Variants in RPRD2 observed in about 807,000 individuals in gnomAD.
RPRD2 encodes regulation of nuclear pre-mRNA domain containing 2.
RPRD2 carries 12 observed loss-of-function variants against 104.4 expected under a neutral mutation model. The observed-to-expected ratio is 0.11, with a 90% CI of 0.07 to 0.19. RPRD2 has a LOEUF of 0.19. Among genes scored for constraint, RPRD2 ranks in the 10% least tolerant of loss-of-function variants. The pLI, the probability that RPRD2 is intolerant of heterozygous loss-of-function variation, is 1.00. For synonymous variants in RPRD2, 714 were observed against 684.9 expected (o/e 1.04, Z -0.66); for missense variants, 1,543 against 1,790.1 (o/e 0.86, Z 2.49).
Position 150,440,911 on chromosome 1 carries a change from C to A in RPRD2, c.336-12C>A, listed in dbSNP as rs373603615. On this transcript the variant is annotated splice_polypyrimidine_tract_variant and intron_variant, in intron 2 of 10. Coordinates refer to ENST00000369068, the MANE Select transcript of RPRD2 (RefSeq NM_015203.5). ...GTTTTTATAGTCTGTATTACTTTTT[C>A]TTTGTTTTCAGGGATCCATCTGTCT... 23 of 1,411,326 alleles carry A rather than the reference C, an allele frequency of 1.6e-5. No homozygotes were observed. The highest frequency in any genetic ancestry group is 2.2e-5 in the Non-Finnish European group (23 of 1,022,286). 87.4% of individuals were successfully genotyped at this position (1,411,326 alleles called of 1,614,324 possible). A position where few individuals can be genotyped will look rare whatever the true frequency, so the allele number is the denominator to read the frequency against.
At chr1:150,466,470 G>A (rs1367498333) in intron 10 of RPRD2, among the ~76,000 whole-genome samples, 6 of 149,544 alleles carry the variant, frequency 4.0e-5, no homozygotes, top group African/African-American at 9.9e-5. Flanking sequence ...GATCACTTGA[G>A]CCCAGGAGTT....
At chr1:150,429,049 G>C (rs1413255667) in intron 2 of RPRD2, among the ~76,000 whole-genome samples, 1 of 150,330 alleles carries the variant, frequency 6.7e-6, no homozygotes, top group Non-Finnish European at 1.5e-5. Flanking sequence ...TACATGGTTT[G>C]TGGTGATTGT....
At chr1:150,430,802 G>A (rs1304480859) in intron 2 of RPRD2, among the ~76,000 whole-genome samples, 2 of 152,038 alleles carry the variant, frequency 1.3e-5, no homozygotes, top group African/African-American at 4.8e-5. Flanking sequence ...GGTGGCGCAT[G>A]CCTGTAATCC....
chr1:150,435,789 A>C (rs587665859), intron 2 of RPRD2, among the ~76,000 whole-genome samples: 26 of 152,358 alleles, frequency 1.7e-4, no homozygotes, highest in African/African-American at 6.0e-4. Context: ...AGGATCACTC[A>C]TGAAGGTGGC....
chr1:150,368,210 T>C (rs1165078345), intron 1 of RPRD2, among the ~76,000 whole-genome samples: 1 of 143,132 alleles, frequency 7.0e-6, no homozygotes, highest in African/African-American at 2.6e-5. Flanking sequence ...TTCTTGTTTT[T>C]TTTTTTTTTT....
At position 150,457,964 on chromosome 1, in the gene RPRD2, G is replaced by A. The variant is rs118120999; in HGVS notation, c.1153+394G>A. On this transcript the variant is annotated intron_variant, in intron 8 of 10. Coordinates refer to ENST00000369068, the MANE Select transcript of RPRD2 (RefSeq NM_015203.5). The stretch of plus-strand genomic sequence containing the variant: ...CAGGTACCTGTAATTCCAGCTACCC[G>A]GGAGGCTGAGGCAAGAGAATCGCTT... 9.8e-3 allele frequency among the ~76,000 whole-genome samples: 1,492 copies of A among 152,142 alleles called. 58 individuals are homozygous for A. Among genetic ancestry groups the A allele is most frequent in the Admixed American group, 0.067 (1,022 of 15,260 alleles).
chr1:150,398,206 A>T (rs587616513), intron 1 of RPRD2, among the ~76,000 whole-genome samples: 92 of 129,878 alleles, frequency 7.1e-4, no homozygotes, highest in African/African-American at 1.9e-3. Context: ...ATTTTATTTT[A>T]TTTTTTTTGA....
chr1:150,449,361 A>G (rs1458544866), intron 7 of RPRD2, among the ~76,000 whole-genome samples: 1 of 151,944 alleles, frequency 6.6e-6, no homozygotes, highest in Non-Finnish European at 1.5e-5. Flanking sequence ...AAAATCTTTG[A>G]CTTTGCAGTG....
rs780636906 is a variant in RPRD2 at position 150,471,060 on chromosome 1, T to C, written c.2112T>C (p.His704=). 2.5e-6 allele frequency: 4 copies of C among 1,613,854 alleles called. No homozygotes were observed. The South Asian group carries it at 4.4e-5, about 18-fold the overall frequency. Residue 704 remains histidine, a synonymous_variant, in exon 11 of 11, where the codon CAT becomes CAC. Coordinates refer to ENST00000369068, the MANE Select transcript of RPRD2 (RefSeq NM_015203.5). The surrounding 1 kb of genome is among the most constrained non-coding windows in gnomAD (Gnocchi z 5.3). Reference sequence around the variant, plus strand: ...GGTCCAGCGCCCCATCAGAGAGCCATCCCTCAGACTTCCAGCGTGGCCCTA... The same window carrying C: ...GGTCCAGCGCCCCATCAGAGAGCCACCCCTCAGACTTCCAGCGTGGCCCTA... ...SLGSSAPSES[H]PSDFQRGPTS...
At chr1:150,403,401 A>C (rs955948672) in intron 1 of RPRD2, among the ~76,000 whole-genome samples, 1 of 152,128 alleles carries the variant, frequency 6.6e-6, no homozygotes, top group East Asian at 1.9e-4. Flanking sequence ...GACTGAACGC[A>C]TATACCCATT....
chr1:150,371,098 A>G (rs1427427114), intron 1 of RPRD2, among the ~76,000 whole-genome samples: 1 of 152,174 alleles, frequency 6.6e-6, no homozygotes, highest in African/African-American at 2.4e-5. Context: ...AAATCTCTTC[A>G]TACAGGATTT....
intron 9 of RPRD2, among the ~76,000 whole-genome samples, chr1:150,462,618 G>A (rs147696575): frequency 0.017 from 2,578 of 151,918 alleles, 75 homozygotes; most frequent in African/African-American, 0.056. Flanking sequence ...GTGCAGTGGC[G>A]CGATCTCAGC....
At chr1:150,465,427 T>A (rs1570796466) in intron 10 of RPRD2, among the ~76,000 whole-genome samples, 1 of 152,206 alleles carries the variant, frequency 6.6e-6, no homozygotes, top group Non-Finnish European at 1.5e-5. Flanking sequence ...CTATTTTTTT[T>A]ATATTTATCA....
Position 150,470,882 on chromosome 1 carries a change from A to C in RPRD2, c.1934A>C (p.Glu645Ala). The C allele has an allele frequency of 6.2e-7, 1 of 1,613,956 alleles. No individual in the cohort carries two copies. Among genetic ancestry groups the C allele is most frequent in the South Asian group, 1.1e-5 (1 of 91,082 alleles). The change falls in exon 11 of 11, where the codon GAA (glutamate) becomes GCA (alanine). Residue 645 changes from glutamate to alanine, a missense_variant. This residue lies in a region of RPRD2 where 572 missense variants were observed against 787.3 expected (regional missense o/e 0.73). Transcript: ENST00000369068. ...ACTAGCCCTGCTGCCCCACCTACTGAAGTTACCATCTGCCAATCTTCAGAG... is the reference window on the plus strand; with the variant it reads ...ACTAGCCCTGCTGCCCCACCTACTGCAGTTACCATCTGCCAATCTTCAGAG... ...HNTSPAAPPTEVTICQSSEVS... is the reference protein window; with the variant it reads ...HNTSPAAPPTAVTICQSSEVS...
chr1:150,418,628 C>T (rs1188754935), intron 2 of RPRD2, among the ~76,000 whole-genome samples: 1 of 152,178 alleles, frequency 6.6e-6, no homozygotes, highest in Non-Finnish European at 1.5e-5. Context: ...AGAAAATGAT[C>T]CATACTACTT....
At chr1:150,393,494 T>G (rs1349490884) in intron 1 of RPRD2, among the ~76,000 whole-genome samples, 2 of 148,960 alleles carry the variant, frequency 1.3e-5, no homozygotes, top group African/African-American at 5.0e-5. Context: ...AAAAAAACAT[T>G]GGGTGAAAGA....
At chr1:150,379,988 C>G (rs1209269489) in intron 1 of RPRD2, among the ~76,000 whole-genome samples, 1 of 152,158 alleles carries the variant, frequency 6.6e-6, no homozygotes, top group Non-Finnish European at 1.5e-5. Context: ...TATCCATTGT[C>G]TCTCATCTTA....
intron 4 of RPRD2, among the ~76,000 whole-genome samples, chr1:150,442,832 T>C (rs953112880): frequency 6.6e-6 from 1 of 152,176 alleles, no homozygotes; most frequent in Non-Finnish European, 1.5e-5. Flanking sequence ...AATAGAGTTA[T>C]TTGTCACCAA....
Position 150,449,171 on chromosome 1 carries a change from C to T in RPRD2, c.870+2770C>T, listed in dbSNP as rs1298781418. ...TCATTGATTTTCTCCCCCTGCCCAA[C>T]CCCGAATTGGCTAATGGATAAGCAG... On this transcript the variant is annotated intron_variant, in intron 7 of 10. Coordinates refer to ENST00000369068, the MANE Select transcript of RPRD2 (RefSeq NM_015203.5). Among the ~76,000 whole-genome samples, 8 of 152,190 alleles carry T rather than the reference C, an allele frequency of 5.3e-5. 1 individual carries two copies. The highest frequency in any genetic ancestry group is 1.9e-4 in the African/African-American group (8 of 41,444).
Sources: gnomAD v4.1 joint callset for allele counts (sites outside exome capture counted in the v4.1 genomes callset) on GRCh38, gnomAD v4.1.1 for gene constraint, gnomAD v4.1.1 regional missense constraint, Gnocchi (gnomAD v3.1) non-coding constraint, MANE v1.5 for transcripts, NCBI Gene and HGNC (gene_info 2026-07-23, HGNC 2026-07-21) for gene names.